Variants in BCAS3 observed in about 807,000 individuals in gnomAD.
BCAS3 encodes BCAS3 microtubule associated cell migration factor, also known as BCAS4/BCAS3 fusion.
A neutral mutation model predicts 116.1 loss-of-function variants in BCAS3; 53 were observed. The observed-to-expected ratio is 0.46, with a 90% CI of 0.37 to 0.57. The LOEUF (loss-of-function observed/expected upper bound fraction) is 0.57, where lower values mean the gene tolerates loss of function less well. BCAS3 is among the 20% of genes least tolerant of loss of function. The pLI is 0.00. For synonymous variants in BCAS3, 391 were observed against 408.2 expected (o/e 0.96, Z 0.51); for missense variants, 917 against 1,165.4 (o/e 0.79, Z 3.10).
At chr17:60,748,786 TAAAA>T (rs533007575) in intron 6 of BCAS3, among the ~76,000 whole-genome samples, 100 of 152,238 alleles carry the variant, frequency 6.6e-4, no homozygotes, top group African/African-American at 2.4e-3. Flanking sequence ...ACTTTCCTCT[TAAAA>T]AAAGATTCCT....
intron 14 of BCAS3, among the ~76,000 whole-genome samples, chr17:60,966,397 G>T (rs1048211192): frequency 6.6e-6 from 1 of 152,058 alleles, no homozygotes; most frequent in African/African-American, 2.4e-5. Flanking sequence ...TTCTTTCTTA[G>T]TGCCTTCCTT....
At chr17:61,094,427 C>T (rs1212274720) in intron 22 of BCAS3, among the ~76,000 whole-genome samples, 1 of 152,214 alleles carries the variant, frequency 6.6e-6, no homozygotes, top group Non-Finnish European at 1.5e-5. Flanking sequence ...TAAGCAAACC[C>T]TGTCACTTCG....
intron 8 of BCAS3, among the ~76,000 whole-genome samples, chr17:60,869,791 G>A (rs2054935713): frequency 6.6e-6 from 1 of 152,124 alleles, no homozygotes; most frequent in Non-Finnish European, 1.5e-5. Flanking sequence ...ACCCTGAACT[G>A]TCCTTTGTGC....
At chr17:61,050,487 T>G (rs1208621825) in intron 19 of BCAS3, among the ~76,000 whole-genome samples, 1 of 151,908 alleles carries the variant, frequency 6.6e-6, no homozygotes, top group African/African-American at 2.4e-5. Context: ...AAGATTTTTG[T>G]AATATATGTG....
rs1437905233 is a variant in BCAS3 at position 60,964,141 on chromosome 17, T to A, written c.1221+16789T>A. Reference sequence around the variant, plus strand: ...CTTTAGAGGAAAGGCCTTCATTTTTTCCCTGTTCCGTATGATGGTAGCTGT... The same window carrying A: ...CTTTAGAGGAAAGGCCTTCATTTTTACCCTGTTCCGTATGATGGTAGCTGT... On this transcript the variant is annotated intron_variant, in intron 14 of 23. Coordinates refer to ENST00000407086, the MANE Select transcript of BCAS3 (RefSeq NM_017679.5). This position sits in a 1 kb window ranked among gnomAD's most constrained non-coding sequence, Gnocchi z 4.6. 2.6e-5 allele frequency among the ~76,000 whole-genome samples: 4 copies of A among 152,234 alleles called. No homozygotes were observed. The highest frequency in any genetic ancestry group is 5.9e-5 in the Non-Finnish European group (4 of 68,036).
rs1318291897 is a variant in BCAS3, at chr17:61,037,895, C to T, written c.1769C>T (p.Ser590Phe). 6.2e-7 allele frequency: 1 copy of T among 1,613,476 alleles called. No individual in the cohort carries two copies. Among genetic ancestry groups the T allele is most frequent in the Non-Finnish European group, 8.5e-7 (1 of 1,179,622 alleles). Residue 590 changes from serine (S) to phenylalanine (F), a missense_variant, in exon 18 of 24, where the codon TCC becomes TTC. Ser to Phe is a radical substitution (Grantham distance 155). Around this residue, in one of 3 missense-constraint regions of BCAS3, gnomAD observed 807 missense variants for 1,026.0 expected, o/e 0.79. Transcript: ENST00000407086. This position sits in a 1 kb window ranked among gnomAD's most constrained non-coding sequence, Gnocchi z 4.7. Reference sequence around the variant, plus strand: ...TCTGTTTCTCTGTTTGTAGATCAGTCCAAACAAGTTGTAGTTGAGTCCCTG... The same window carrying T: ...TCTGTTTCTCTGTTTGTAGATCAGTTCAAACAAGTTGTAGTTGAGTCCCTG... ...NAGLKREKDQSKQVVVESLYI... is the reference protein window; with the variant it reads ...NAGLKREKDQFKQVVVESLYI...
intron 22 of BCAS3, among the ~76,000 whole-genome samples, chr17:61,201,367 C>T (rs1410053147): frequency 2.0e-5 from 3 of 152,166 alleles, no homozygotes; most frequent in African/African-American, 4.8e-5. Flanking sequence ...GCTGCATAAG[C>T]GGGCAAAGAA....
At chr17:60,757,394 A>ATGTGTGTGTGTGTGTGTGTGTGTG (rs61645091) in intron 6 of BCAS3, among the ~76,000 whole-genome samples, 1 of 136,608 alleles carries the variant, frequency 7.3e-6, no homozygotes, top group Non-Finnish European at 1.6e-5. Flanking sequence ...CAGCATGTAT[A>ATGTGTGTGTGTGTGTGTGTGTGTG]TGTGTGTGTG....
chr17:61,003,522 G>A (rs905831938), intron 15 of BCAS3, among the ~76,000 whole-genome samples: 7 of 151,264 alleles, frequency 4.6e-5, no homozygotes, highest in Non-Finnish European at 1.0e-4. Flanking sequence ...CGATCTCCTG[G>A]TCTCAAGCAA....
Position 61,392,245 on chromosome 17 carries a change from T to A in BCAS3, c.*120T>A. The A allele has an allele frequency of 8.0e-7, 1 of 1,243,800 alleles. No individual in the cohort carries two copies. The highest frequency in any genetic ancestry group is 1.1e-6 in the Non-Finnish European group (1 of 904,804). 77.0% of individuals were successfully genotyped at this position (1,243,800 alleles called of 1,614,324 possible). A position where few individuals can be genotyped will look rare whatever the true frequency, so the allele number is the denominator to read the frequency against. The stretch of plus-strand genomic sequence containing the variant: ...CTTCATCAACCACCTTCCCCAAGCT[T>A]AGTGACAGCAGCCGCCCATCCTACC... On this transcript the variant is annotated 3_prime_UTR_variant, in exon 24 of 24. Transcript: ENST00000407086. This position sits in a 1 kb window ranked among gnomAD's most constrained non-coding sequence, Gnocchi z 6.4.
Position 61,199,429 on chromosome 17 carries a change from C to G in BCAS3, c.2425+114865C>G, listed in dbSNP as rs899009397. On this transcript the variant is annotated intron_variant, in intron 22 of 23. Transcript: ENST00000407086. The surrounding 1 kb of genome is among the most constrained non-coding windows in gnomAD (Gnocchi z 4.6). ...ATCATACTGACTACAAATTACCTCCCCTAGTTTAAAGGCAAATAGTAGCTA... is the reference window on the plus strand; with the variant it reads ...ATCATACTGACTACAAATTACCTCCGCTAGTTTAAAGGCAAATAGTAGCTA... Among the ~76,000 whole-genome samples the G allele has an allele frequency of 6.6e-6, 1 of 152,168 alleles. No individual in the cohort carries two copies. Among genetic ancestry groups the G allele is most frequent in the African/African-American group, 2.4e-5 (1 of 41,432 alleles).
At position 60,780,199 on chromosome 17, in the gene BCAS3, A is replaced by AATAT. The variant is rs2045684739; in HGVS notation, c.404-27804_404-27803insTATA. The stretch of plus-strand genomic sequence containing the variant: ...AGAGACAGGTTTCACTATATTGGCC[A>AATAT]AGCTGGTCTCAAACTCCTGACCTTG... On this transcript the variant is annotated intron_variant, in intron 6 of 23. Coordinates refer to ENST00000407086, the MANE Select transcript of BCAS3 (RefSeq NM_017679.5). Among the ~76,000 whole-genome samples the AATAT allele has an allele frequency of 8.6e-5, 13 of 151,464 alleles. No individual in the cohort carries two copies. The South Asian group carries it at 1.0e-3, about 12-fold the overall frequency.
chr17:60,741,607 G>A (rs1016471836), intron 5 of BCAS3, among the ~76,000 whole-genome samples: 2 of 152,064 alleles, frequency 1.3e-5, no homozygotes, highest in Non-Finnish European at 2.9e-5. Flanking sequence ...TTACTTTGAG[G>A]CAGCATTACA....
chr17:61,093,650 T>A (rs1043717514), intron 22 of BCAS3, among the ~76,000 whole-genome samples: 10 of 152,250 alleles, frequency 6.6e-5, no homozygotes, highest in African/African-American at 2.4e-4. Context: ...TTCTTCCGGT[T>A]GCTCCCACAT....
At chr17:61,057,446 C>G (rs2069501354) in intron 19 of BCAS3, among the ~76,000 whole-genome samples, 1 of 152,190 alleles carries the variant, frequency 6.6e-6, no homozygotes, top group Non-Finnish European at 1.5e-5. Context: ...ATGGTTTTGA[C>G]TTCCTTCACA....
rs566441753 is a variant in BCAS3, at chr17:61,016,719, T to C, written c.1637+818T>C. 3.3e-5 allele frequency among the ~76,000 whole-genome samples: 5 copies of C among 152,372 alleles called. No homozygotes were observed. The East Asian group carries it at 9.6e-4, about 29-fold the overall frequency. On this transcript the variant is annotated intron_variant, in intron 16 of 23. Coordinates refer to ENST00000407086, the MANE Select transcript of BCAS3 (RefSeq NM_017679.5). ...GAAACAACTTTTTTACATTTCTGTA[T>C]TAAAGTAGTCAAGAGAAAACCCTGT...
At chr17:60,814,310 C>CGCGTGCGTGCGCGCGCGT (rs1225969094) in intron 7 of BCAS3, among the ~76,000 whole-genome samples, 2 of 135,652 alleles carry the variant, frequency 1.5e-5, no homozygotes, top group African/African-American at 6.3e-5. Context: ...TGTGTGTGCG[C>CGCGTGCGTGCGCGCGCGT]GCGTGCCCAT....
In BCAS3 at chr17:60,851,718, A is replaced by G. The variant is rs1186766165; in HGVS notation, c.477-16858A>G. 19 of 851,200 alleles carry G rather than the reference A, an allele frequency of 2.2e-5. No individual in the cohort carries two copies. In the South Asian group the frequency reaches 2.3e-4, roughly 10 times the overall value. The allele number at this position is 851,200 out of a possible 1,614,324, so 52.7% of individuals were successfully genotyped here. A position where few individuals can be genotyped will look rare whatever the true frequency, so the allele number is the denominator to read the frequency against. On this transcript the variant is annotated intron_variant, in intron 7 of 23. Coordinates refer to ENST00000407086, the MANE Select transcript of BCAS3 (RefSeq NM_017679.5). ...AGGGGAGTCCAGCCTCTGATGAAGC[A>G]GGAGAGAAAGAAGCCAAGTCTGATT...
Position 60,893,477 on chromosome 17 carries a change from C to T in BCAS3, c.738+3706C>T, listed in dbSNP as rs113865950. ...TATGACTAGCCAATTTTCCCAGCTC[C>T]GTTTATTGAATAGGGTGTCCCTTCT... On this transcript the variant is annotated intron_variant, in intron 10 of 23. Transcript: ENST00000407086. Among the ~76,000 whole-genome samples the T allele has an allele frequency of 2.9e-3, 434 of 152,036 alleles. 1 individual carries two copies. The highest frequency in any genetic ancestry group is 9.8e-3 in the African/African-American group (406 of 41,462).
Sources: gnomAD v4.1 joint callset for allele counts (sites outside exome capture counted in the v4.1 genomes callset) on GRCh38, gnomAD v4.1.1 for gene constraint, gnomAD v4.1.1 regional missense constraint, Gnocchi (gnomAD v3.1) non-coding constraint, MANE v1.5 for transcripts, NCBI Gene and HGNC (gene_info 2026-07-23, HGNC 2026-07-21) for gene names.